The following HUNK variants were observed in gnomAD, a reference collection of about 807,000 sequenced individuals.
The protein encoded by HUNK is hormonally up-regulated neu tumor-associated kinase.
Under a neutral mutation model 61.0 loss-of-function variants are expected in HUNK, and 21 were observed. That is an observed-to-expected ratio of 0.34 (90% CI 0.24 to 0.50). HUNK has a LOEUF of 0.50. Ranked by LOEUF, HUNK falls within the 20% of genes least tolerant of loss-of-function variation. The pLI, the probability that HUNK is intolerant of heterozygous loss-of-function variation, is 0.98. For missense variants in HUNK, 772 were observed against 945.7 expected (o/e 0.82, Z 2.41); for synonymous variants, 371 against 386.1 (o/e 0.96, Z 0.46).
At chr21:31,980,893 G>A (rs1184047115) in intron 7 of HUNK, among the ~76,000 whole-genome samples, 4 of 152,012 alleles carry the variant, frequency 2.6e-5, no homozygotes, top group Admixed American at 6.5e-5. Flanking sequence ...TAGTAGAGAT[G>A]GGGTTTCTCC....
At chr21:31,875,335 C>T (rs530828338) in intron 1 of HUNK, among the ~76,000 whole-genome samples, 1 of 152,276 alleles carries the variant, frequency 6.6e-6, no homozygotes, top group South Asian at 2.1e-4. Flanking sequence ...ATGCAGGTCT[C>T]CGTCACCCTT....
chr21:31,983,918 G>T (rs1042159322), intron 8 of HUNK, among the ~76,000 whole-genome samples: 3 of 152,174 alleles, frequency 2.0e-5, no homozygotes, highest in Non-Finnish European at 4.4e-5. Flanking sequence ...AGTTTTTAAA[G>T]CTCCCTGGAT....
chr21:31,873,985 G>T lies in HUNK; in HGVS notation c.261+50G>T. 1 of 1,365,544 alleles carries T rather than the reference G, an allele frequency of 7.3e-7. No individual in the cohort carries two copies. Among genetic ancestry groups the T allele is most frequent in the Non-Finnish European group, 9.6e-7 (1 of 1,045,306 alleles). The allele number at this position is 1,365,544 out of a possible 1,614,324, so 84.6% of individuals were successfully genotyped here. Reference sequence around the variant, plus strand: ...CTGGGGCACAGGGGCGGGAGTCGGCGGCCAGGACCCCGCGGGGAGCACTGC... The same window carrying T: ...CTGGGGCACAGGGGCGGGAGTCGGCTGCCAGGACCCCGCGGGGAGCACTGC... On this transcript the variant is annotated intron_variant, in intron 1 of 10. Transcript: ENST00000270112. This position sits in a 1 kb window ranked among gnomAD's most constrained non-coding sequence, Gnocchi z 6.1.
At chr21:31,971,314 C>T (rs941647532) in intron 6 of HUNK, among the ~76,000 whole-genome samples, 8 of 152,048 alleles carry the variant, frequency 5.3e-5, no homozygotes, top group Non-Finnish European at 7.4e-5. Context: ...TCAAGTGATC[C>T]GCCTGCTGCA....
intron 1 of HUNK, among the ~76,000 whole-genome samples, chr21:31,880,626 C>G (rs923325412): frequency 6.6e-5 from 10 of 152,164 alleles, no homozygotes; most frequent in Admixed American, 2.0e-4. Flanking sequence ...GTAGGTCTAC[C>G]CTAATCCAGT....
At chr21:31,908,930 A>G (rs2052527194) in intron 1 of HUNK, among the ~76,000 whole-genome samples, 1 of 152,130 alleles carries the variant, frequency 6.6e-6, no homozygotes, top group African/African-American at 2.4e-5. Context: ...ATTTTGGGGC[A>G]TACCAAGATG....
chr21:31,973,865 G>A (rs2053030210), intron 6 of HUNK, among the ~76,000 whole-genome samples: 1 of 152,128 alleles, frequency 6.6e-6, no homozygotes, highest in Admixed American at 6.5e-5. Flanking sequence ...GATGAATGAA[G>A]CCCGGTATTT....
At chr21:31,948,084 T>C (rs1054647797) in intron 4 of HUNK, among the ~76,000 whole-genome samples, 3 of 152,140 alleles carry the variant, frequency 2.0e-5, no homozygotes, top group African/African-American at 7.2e-5. Flanking sequence ...ATAAGAGAAA[T>C]GAATAAAATC....
At chr21:31,986,710 C>G (rs1179608835) in intron 8 of HUNK, among the ~76,000 whole-genome samples, 1 of 152,210 alleles carries the variant, frequency 6.6e-6, no homozygotes, top group African/African-American at 2.4e-5. Context: ...TGTGCTCTCT[C>G]TGCCTGTGGG....
At chr21:31,928,448 T>C (rs1160629840) in intron 2 of HUNK, among the ~76,000 whole-genome samples, 1 of 152,188 alleles carries the variant, frequency 6.6e-6, no homozygotes, top group African/African-American at 2.4e-5. Flanking sequence ...TAATAATGTT[T>C]TGATAGCAAA....
intron 4 of HUNK, among the ~76,000 whole-genome samples, chr21:31,950,240 C>A (rs1166507923): frequency 6.6e-6 from 1 of 152,038 alleles, no homozygotes; most frequent in African/African-American, 2.4e-5. Context: ...GAGATGACTT[C>A]AAAGCCAGAT....
intron 1 of HUNK, among the ~76,000 whole-genome samples, chr21:31,923,308 G>A (rs1269554228): frequency 6.6e-6 from 1 of 151,994 alleles, no homozygotes; most frequent in Non-Finnish European, 1.5e-5. Context: ...AGCCGTGGTG[G>A]TGTGTGCTTA....
chr21:31,958,875 C>T lies in HUNK; in HGVS notation c.779C>T (p.Thr260Met), dbSNP rs554519222. 112 of 1,609,154 alleles carry T rather than the reference C, an allele frequency of 7.0e-5. No individual in the cohort carries two copies. The highest frequency in any genetic ancestry group is 6.7e-4 in the Admixed American group (40 of 59,736). ...AACATGTATGCCATGTTGACCGGGACGCTGCCTTTCACGGTGGAGCCTTTC... is the reference window on the plus strand; with the variant it reads ...AACATGTATGCCATGTTGACCGGGATGCTGCCTTTCACGGTGGAGCCTTTC... The part of the protein sequence containing the change: ...GVNMYAMLTG[T>M]LPFTVEPFSL... The change falls in exon 5 of 11, where the codon ACG becomes ATG. Residue 260 changes from threonine to methionine, a missense_variant. Transcript: ENST00000270112.
At chr21:31,989,031 C>T (rs976156299) in intron 8 of HUNK, among the ~76,000 whole-genome samples, 4 of 152,022 alleles carry the variant, frequency 2.6e-5, no homozygotes, top group East Asian at 1.9e-4. Context: ...ACATGTTGCC[C>T]GGCTGGTCTT....
rs1233010378 is a variant in HUNK at position 31,940,113 on chromosome 21, T to G, written c.555-52T>G. 3 of 1,427,430 alleles carry G rather than the reference T, an allele frequency of 2.1e-6. No individual in the cohort carries two copies. In the African/African-American group the frequency reaches 4.3e-5, roughly 20 times the overall value. 88.4% of individuals were successfully genotyped at this position (1,427,430 alleles called of 1,614,324 possible). A position where few individuals can be genotyped will look rare whatever the true frequency, so the allele number is the denominator to read the frequency against. On this transcript the variant is annotated intron_variant, in intron 2 of 10. Transcript: ENST00000270112. ...TTTCCCTTCAGAAGCAAAATGTAAT[T>G]CCATTATTTCGAATGCTTATCTGAA...
chr21:31,984,100 TAG>T (rs1254976981), intron 8 of HUNK, among the ~76,000 whole-genome samples: 2 of 151,300 alleles, frequency 1.3e-5, no homozygotes, highest in Admixed American at 6.6e-5. Context: ...GAAGGGAGGG[TAG>T]AGAGAGGTTG....
chr21:31,902,586 C>A (rs2052476419), intron 1 of HUNK, among the ~76,000 whole-genome samples: 1 of 152,120 alleles, frequency 6.6e-6, no homozygotes, highest in Non-Finnish European at 1.5e-5. Flanking sequence ...TAGGGTCTTG[C>A]TGGTCAAGTG....
intron 9 of HUNK, among the ~76,000 whole-genome samples, chr21:31,991,560 A>G (rs1250906387): frequency 1.3e-5 from 2 of 152,152 alleles, no homozygotes; most frequent in Non-Finnish European, 2.9e-5. Flanking sequence ...GTTTTTCTGC[A>G]GCAAAACCAG....
chr21:31,975,453 C>CTCCATATG (rs1396290109), intron 7 of HUNK, among the ~76,000 whole-genome samples: 1 of 152,222 alleles, frequency 6.6e-6, no homozygotes, highest in Admixed American at 6.5e-5. Flanking sequence ...AGTCTGCATA[C>CTCCATATG]AGCAGCTCAT....
Sources: allele counts gnomAD v4.1 joint callset (sites outside exome capture counted in the v4.1 genomes callset), GRCh38; gene constraint gnomAD v4.1.1; non-coding constraint Gnocchi (gnomAD v3.1); transcripts MANE v1.5; gene names NCBI Gene and HGNC (gene_info 2026-07-23, HGNC 2026-07-21).